Variants in POLR1B observed in about 807,000 individuals in gnomAD.
POLR1B encodes RNA polymerase I subunit B.
In POLR1B, 30 loss-of-function variants were observed where a neutral mutation model predicts 105.8. That is an observed-to-expected ratio of 0.28 (90% CI 0.21 to 0.38). The LOEUF is 0.38. POLR1B is among the 10% of genes least tolerant of loss of function. The pLI is 1.00. For missense variants in POLR1B, 976 were observed against 1,435.8 expected, an observed-to-expected ratio of 0.68 and a Z score of 5.17; for synonymous variants, 485 against 505.1, an observed-to-expected ratio of 0.96 and a Z score of 0.53.
intron 6 of POLR1B, 87 bp downstream of exon 6, chr2:112,552,085 C>A: frequency 2.8e-6 from 3 of 1,063,652 alleles, no homozygotes; most frequent in Non-Finnish European, 4.2e-6. Flanking sequence ...GCGGGCGAGT[C>A]ATTTGGGAAT....
Position 112,547,056 on chromosome 2 carries a change from T to C in POLR1B, c.222T>C (p.Ser74=), listed in dbSNP as rs543726181. ...TTGCTTTCAAAGATGAGCGTATCTC[T>C]TTTACTATTCTGGATGCTGTTATCA... The part of the protein sequence containing the change: ...FEFAFKDERI[S]FTILDAVISP... The change falls in exon 2 of 15, where the codon TCT becomes TCC. Residue 74 remains serine (S), a synonymous_variant. Transcript: ENST00000263331. The C allele has an allele frequency of 6.2e-7, 1 of 1,614,202 alleles. No individual in the cohort carries two copies. Among genetic ancestry groups the C allele is most frequent in the African/African-American group, 1.3e-5 (1 of 75,050 alleles).
Position 112,579,758 on chromosome 2 carries a change from T to A in POLR1B, c.*4029T>A, listed in dbSNP as rs1685015677. On this transcript the variant is annotated 3_prime_UTR_variant, in exon 15 of 15. Coordinates refer to ENST00000263331, the MANE Select transcript of POLR1B (RefSeq NM_019014.6). ...CATTTTTTAATTGGATTGTTTGTCTTCTTACTGTTGAATTTCAAGACTTCA... is the reference window on the plus strand; with the variant it reads ...CATTTTTTAATTGGATTGTTTGTCTACTTACTGTTGAATTTCAAGACTTCA... Among the ~76,000 whole-genome samples, 1 of 152,252 alleles carries A rather than the reference T, an allele frequency of 6.6e-6. No individual in the cohort carries two copies. Among genetic ancestry groups the A allele is most frequent in the Non-Finnish European group, 1.5e-5 (1 of 68,040 alleles).
chr2:112,558,970 T>G (rs1055643397), intron 8 of POLR1B, among the ~76,000 whole-genome samples: 47 of 151,420 alleles, frequency 3.1e-4, no homozygotes, highest in Admixed American at 5.9e-4. Flanking sequence ...TTCATTAGCC[T>G]GCTTTCTTGC....
In POLR1B at chr2:112,542,926, G is replaced by C. The variant is rs2104496881; in HGVS notation, c.177+255G>C. On this transcript the variant is annotated intron_variant, in intron 1 of 14. Coordinates refer to ENST00000263331, the MANE Select transcript of POLR1B (RefSeq NM_019014.6). ...GAACCGTAGTTTGGACAGTTTCGGG[G>C]TGCTGTGAGAGTGAGGAAGTGGCTT... 5.1e-6 allele frequency: 3 copies of C among 587,128 alleles called. No individual in the cohort carries two copies. The South Asian group carries it at 6.2e-5, about 12-fold the overall frequency. 36.4% of individuals were successfully genotyped at this position (587,128 alleles called of 1,614,324 possible). A position where few individuals can be genotyped will look rare whatever the true frequency, so the allele number is the denominator to read the frequency against.
intron 1 of POLR1B, chr2:112,545,829 A>G: frequency 2.7e-6 from 1 of 371,058 alleles, no homozygotes; most frequent in Non-Finnish European, 5.2e-6. Flanking sequence ...TATTTTTTGT[A>G]GAGACGGGGT....
At position 112,570,437 on chromosome 2, in the gene POLR1B, C is replaced by T. The variant is rs535274562; in HGVS notation, c.2074+1535C>T. ...TTTGCTTACAGTCATGTGCCCTTAA[C>T]GACAGGGATACCTTCGAAGAAGTGA... On this transcript the variant is annotated intron_variant, in intron 12 of 14. Transcript: ENST00000263331. Among the ~76,000 whole-genome samples the T allele has an allele frequency of 3.9e-5, 6 of 152,260 alleles. No individual in the cohort carries two copies. In the South Asian group the frequency reaches 6.2e-4, roughly 16 times the overall value.
chr2:112,556,395 A>G (rs1382182234), intron 7 of POLR1B, among the ~76,000 whole-genome samples: 5 of 152,256 alleles, frequency 3.3e-5, no homozygotes, highest in South Asian at 4.1e-4. Context: ...ATTCATTGTA[A>G]CATTTTATAA....
chr2:112,551,017 A>G lies in POLR1B; in HGVS notation c.762+15A>G. 2.5e-6 allele frequency: 4 copies of G among 1,609,500 alleles called. No individual in the cohort carries two copies. The highest frequency in any genetic ancestry group is 3.4e-6 in the Non-Finnish European group (4 of 1,175,778). ...TTGCACTTAAGGTATGACTTAATGAATGCATTCTTTTGTTATGAAGAAATT... is the reference window on the plus strand; with the variant it reads ...TTGCACTTAAGGTATGACTTAATGAGTGCATTCTTTTGTTATGAAGAAATT... On this transcript the variant is annotated intron_variant, in intron 5 of 14. Coordinates refer to ENST00000263331, the MANE Select transcript of POLR1B (RefSeq NM_019014.6).
At chr2:112,569,412 G>A (rs1411399520) in intron 12 of POLR1B, among the ~76,000 whole-genome samples, 12 of 152,002 alleles carry the variant, frequency 7.9e-5, no homozygotes. Flanking sequence ...TCTTTATTTT[G>A]CTTCACTTGA....
intron 3 of POLR1B, among the ~76,000 whole-genome samples, chr2:112,547,898 A>G (rs191413336): frequency 1.3e-5 from 2 of 151,518 alleles, no homozygotes; most frequent in African/African-American, 2.4e-5. Context: ...AAAAATGTCT[A>G]TTTATCTGGG....
chr2:112,556,441 A>C (rs1324321966), intron 7 of POLR1B, among the ~76,000 whole-genome samples: 2 of 152,182 alleles, frequency 1.3e-5, no homozygotes, highest in Non-Finnish European at 2.9e-5. Context: ...TCCAAAATTT[A>C]TTCCTTCCAA....
chr2:112,543,564 C>T (rs1682875974), intron 1 of POLR1B, among the ~76,000 whole-genome samples: 1 of 152,160 alleles, frequency 6.6e-6, no homozygotes, highest in South Asian at 2.1e-4. Flanking sequence ...GAGTCACATG[C>T]TTCGGGGACC....
intron 12 of POLR1B, among the ~76,000 whole-genome samples, chr2:112,569,494 ACACT>A (rs1684477647): frequency 6.6e-6 from 1 of 152,082 alleles, no homozygotes; most frequent in Admixed American, 6.5e-5. Context: ...AGTTGTTGTT[ACACT>A]GTCTCTTCTT....
At chr2:112,568,722 T>C (rs1684432510) in intron 11 of POLR1B, 24 bp from the exon 12 acceptor site, 2 of 1,611,608 alleles carry the variant, frequency 1.2e-6, no homozygotes, top group East Asian at 4.5e-5. Context: ...AGTTATTTTG[T>C]GCCTTGGACA....
intron 14 of POLR1B, 106 bp from the exon 15 acceptor site, chr2:112,574,741 A>G (rs1684779899): frequency 2.0e-6 from 2 of 1,006,340 alleles, no homozygotes; most frequent in Non-Finnish European, 2.8e-6. Flanking sequence ...AAAAAAAAAA[A>G]AAAAGTTTTA....
Position 112,578,717 on chromosome 2 carries a change from T to C in POLR1B, c.*2988T>C, listed in dbSNP as rs1684971241. On this transcript the variant is annotated 3_prime_UTR_variant, in exon 15 of 15. Coordinates refer to ENST00000263331, the MANE Select transcript of POLR1B (RefSeq NM_019014.6). Reference sequence around the variant, plus strand: ...TGAGTGTCTGAAACCATGGATAGTATATACACTATCCATATGTGCTATATG... The same window carrying C: ...TGAGTGTCTGAAACCATGGATAGTACATACACTATCCATATGTGCTATATG... 6.6e-6 allele frequency among the ~76,000 whole-genome samples: 1 copy of C among 152,216 alleles called. No individual in the cohort carries two copies. Among genetic ancestry groups the C allele is most frequent in the African/African-American group, 2.4e-5 (1 of 41,458 alleles).
rs1410052285 is a variant in POLR1B, at chr2:112,573,749, A to G, written c.2459A>G (p.Gln820Arg). Reference sequence around the variant, plus strand: ...TTGCCGTTTATAGGAGCAAAACTGCAGTACGGAGATCCGTATTACAGCTAC... The same window carrying G: ...TTGCCGTTTATAGGAGCAAAACTGCGGTACGGAGATCCGTATTACAGCTAC... Reference protein sequence around the residue: ...DGLPFIGAKLQYGDPYYSYLN... With the variant: ...DGLPFIGAKLRYGDPYYSYLN... The change falls in exon 14 of 15, where the codon CAG becomes CGG. Residue 820 changes from glutamine to arginine, a missense_variant. Physicochemically the swap from Gln to Arg is conservative, Grantham distance 43. This residue lies in a region of POLR1B where 119 missense variants were observed against 149.7 expected (regional missense o/e 0.79). Transcript: ENST00000263331. 6.2e-7 allele frequency: 1 copy of G among 1,614,144 alleles called. No homozygotes were observed. The highest frequency in any genetic ancestry group is 2.2e-5 in the East Asian group (1 of 44,898).
At chr2:112,559,941 G>T (rs190059845) in intron 9 of POLR1B, among the ~76,000 whole-genome samples, 1 of 152,130 alleles carries the variant, frequency 6.6e-6, no homozygotes, top group East Asian at 1.9e-4. Flanking sequence ...AGGTTACGTG[G>T]TTTTTAACCT....
chr2:112,577,961 C>A lies in POLR1B; in HGVS notation c.*2232C>A, dbSNP rs1684941204. ...TCGATTCTACTGACTGACGTTTCCCCCTGCTGTTAAGAATCCCAACCACAC... is the reference window on the plus strand; with the variant it reads ...TCGATTCTACTGACTGACGTTTCCCACTGCTGTTAAGAATCCCAACCACAC... On this transcript the variant is annotated 3_prime_UTR_variant, in exon 15 of 15. Coordinates refer to ENST00000263331, the MANE Select transcript of POLR1B (RefSeq NM_019014.6). Among the ~76,000 whole-genome samples, 1 of 152,144 alleles carries A rather than the reference C, an allele frequency of 6.6e-6. No individual in the cohort carries two copies.
Sources: allele counts gnomAD v4.1 joint callset (sites outside exome capture counted in the v4.1 genomes callset), GRCh38; gene constraint gnomAD v4.1.1; regional missense constraint gnomAD v4.1.1; transcripts MANE v1.5; gene names NCBI Gene and HGNC (gene_info 2026-07-23, HGNC 2026-07-21).